SGCD: variants seen among roughly 807,000 people sequenced by gnomAD.
The protein encoded by SGCD is sarcoglycan delta, also known as delta-sarcoglycan.
SGCD carries 18 observed loss-of-function variants against 36.6 expected under a neutral mutation model. That is an observed-to-expected ratio of 0.49 (90% CI 0.34 to 0.73). The LOEUF is 0.73. Among genes scored for constraint, SGCD ranks in the 30% least tolerant of loss-of-function variants. The pLI is 0.01. For synonymous variants in SGCD, 133 were observed against 130.6 expected, an observed-to-expected ratio of 1.02 and a Z score of -0.12; for missense variants, 387 against 346.7, an observed-to-expected ratio of 1.12 and a Z score of -0.92.
chr5:156,394,875 C>T (rs1363004256), intron 3 of SGCD, among the ~76,000 whole-genome samples: 2 of 152,180 alleles, frequency 1.3e-5, no homozygotes, highest in East Asian at 1.9e-4. Flanking sequence ...GAAGAGGAAA[C>T]ACTGTGTAAA....
At chr5:155,865,291 A>G in the SGCD span, among the ~76,000 whole-genome samples, 33 of 152,242 alleles carry the variant, frequency 2.2e-4, no homozygotes, top group Admixed American at 1.6e-3. Context: ...ATGTGGAAAG[A>G]GCAGCATTGT....
intron 3 of SGCD, among the ~76,000 whole-genome samples, chr5:156,204,637 A>C (rs935892436): frequency 2.0e-5 from 3 of 152,102 alleles, no homozygotes; most frequent in African/African-American, 7.2e-5. Flanking sequence ...CACTTTCTTC[A>C]TCTGAGAGAA....
At chr5:156,115,472 C>T (rs1370468286) in intron 1 of SGCD, among the ~76,000 whole-genome samples, 4 of 151,980 alleles carry the variant, frequency 2.6e-5, no homozygotes, top group Admixed American at 2.6e-4. Context: ...GGAGCAAATT[C>T]CCACCCATAG....
intron 3 of SGCD, among the ~76,000 whole-genome samples, chr5:156,419,123 G>C (rs1345295121): frequency 6.6e-6 from 1 of 152,086 alleles, no homozygotes; most frequent in Non-Finnish European, 1.5e-5. Context: ...AGGTATATTT[G>C]TTCATTGATA....
chr5:155,798,871 A>T, the SGCD span, among the ~76,000 whole-genome samples: 3 of 152,198 alleles, frequency 2.0e-5, no homozygotes, highest in Admixed American at 2.0e-4. Flanking sequence ...ACTATGATAC[A>T]TATGTTCGTT....
intron 4 of SGCD, among the ~76,000 whole-genome samples, chr5:156,522,171 C>T (rs148037615): frequency 0.013 from 1,970 of 152,074 alleles, 15 homozygotes; most frequent in Non-Finnish European, 0.021. Context: ...GGGCAGGGAA[C>T]ATCACACACC....
Position 156,487,813 on chromosome 5 carries a change from A to AAAAAAAAAAAAAAAAAAAAAAAAAG in SGCD, c.193-20785_193-20784insAAAAAAAAAAAAAAAAAAAAAGAAA, listed in dbSNP as rs1554107842. Reference sequence around the variant, plus strand: ...CAAAAAAAAAAAAAAAAAAAAAAAAAAAAGAAAGAAAGAAAAAGCTTAACA... The same window carrying AAAAAAAAAAAAAAAAAAAAAAAAAG: ...CAAAAAAAAAAAAAAAAAAAAAAAAAAAAAAAAAAAAAAAAAAAAAAAAAGAAAGAAAGAAAGAAAAAGCTTAACA... On this transcript the variant is annotated intron_variant, in intron 3 of 8. Transcript: ENST00000337851. Among the ~76,000 whole-genome samples the AAAAAAAAAAAAAAAAAAAAAAAAAG allele has an allele frequency of 1.7e-4, 13 of 77,798 alleles. 1 individual carries two copies. In the East Asian group the frequency reaches 2.2e-3, roughly 13 times the overall value. The allele number at this position is 77,798 out of a possible 152,430, so 51.0% of individuals were successfully genotyped here.
chr5:156,599,782 T>C (rs1045860220), intron 6 of SGCD, among the ~76,000 whole-genome samples: 7 of 152,220 alleles, frequency 4.6e-5, no homozygotes, highest in Admixed American at 3.3e-4. Context: ...CCAAGAGCCA[T>C]GCAGTTGAGT....
chr5:155,982,036 A>T (rs1188742225), intron 1 of SGCD, among the ~76,000 whole-genome samples: 3 of 152,100 alleles, frequency 2.0e-5, no homozygotes, highest in Non-Finnish European at 2.9e-5. Flanking sequence ...AATCTTCTAA[A>T]TGTCTATTTT....
At chr5:156,527,083 CA>C (rs1234005547) in intron 4 of SGCD, among the ~76,000 whole-genome samples, 1 of 152,122 alleles carries the variant, frequency 6.6e-6, no homozygotes, top group Non-Finnish European at 1.5e-5. Context: ...CATTGCCTAT[CA>C]TGGTACAGAA....
chr5:156,566,205 A>G (rs1041279275), intron 4 of SGCD, among the ~76,000 whole-genome samples: 10 of 152,204 alleles, frequency 6.6e-5, no homozygotes, highest in Non-Finnish European at 1.5e-4. Flanking sequence ...GAGGATGTGG[A>G]GAAATAGGAA....
At chr5:156,732,641 A>G (rs1306382341) in intron 7 of SGCD, among the ~76,000 whole-genome samples, 2 of 151,968 alleles carry the variant, frequency 1.3e-5, no homozygotes, top group East Asian at 3.9e-4. Context: ...TCCCTTCTCA[A>G]TTTTTTGTCA....
At chr5:156,263,523 AT>A (rs1409620787) in intron 3 of SGCD, among the ~76,000 whole-genome samples, 1 of 151,484 alleles carries the variant, frequency 6.6e-6, no homozygotes, top group Non-Finnish European at 1.5e-5. Context: ...GGTTGTGAAG[AT>A]TTTCTCCCAC....
At chr5:156,332,074 G>A (rs892936613) in intron 2 of SGCD, among the ~76,000 whole-genome samples, 14 of 152,136 alleles carry the variant, frequency 9.2e-5, no homozygotes, top group Admixed American at 7.2e-4. Flanking sequence ...AGGAATATTG[G>A]TAATAGGCCA....
At chr5:156,176,573 G>T (rs1309967064) in intron 3 of SGCD, among the ~76,000 whole-genome samples, 3 of 151,964 alleles carry the variant, frequency 2.0e-5, no homozygotes, top group Non-Finnish European at 4.4e-5. Flanking sequence ...GGTGTGTGCT[G>T]CTTTGTTTAC....
the SGCD span, among the ~76,000 whole-genome samples, chr5:155,773,983 A>G: frequency 6.6e-6 from 1 of 152,132 alleles, no homozygotes. Flanking sequence ...TATAACATAC[A>G]TGTTGATAGT....
At chr5:156,248,559 A>C (rs1464433782) in intron 3 of SGCD, among the ~76,000 whole-genome samples, 1 of 152,080 alleles carries the variant, frequency 6.6e-6, no homozygotes, top group Non-Finnish European at 1.5e-5. Context: ...AAGTACAGAG[A>C]GGAGGAAGAG....
upstream of SGCD, among the ~76,000 whole-genome samples, chr5:155,868,789 T>A (rs918488077): frequency 1.3e-5 from 2 of 152,108 alleles, no homozygotes; most frequent in African/African-American, 4.8e-5. Flanking sequence ...AAAATGAATT[T>A]TCATGTTGGT....
At chr5:156,283,428 A>G (rs1051378430) in intron 3 of SGCD, among the ~76,000 whole-genome samples, 12 of 152,136 alleles carry the variant, frequency 7.9e-5, no homozygotes, top group African/African-American at 2.7e-4. Flanking sequence ...CTTTACACTT[A>G]CTTATTCTGC....
Sources: gnomAD v4.1 joint callset for allele counts (sites outside exome capture counted in the v4.1 genomes callset) on GRCh38, gnomAD v4.1.1 for gene constraint, MANE v1.5 for transcripts, NCBI Gene and HGNC (gene_info 2026-07-23, HGNC 2026-07-21) for gene names.